FNIP2: variants seen among roughly 807,000 people sequenced by gnomAD.
FNIP2 encodes the protein folliculin-interacting protein 2.
Under a neutral mutation model 108.7 loss-of-function variants are expected in FNIP2, and 32 were observed. The observed-to-expected ratio is 0.29, with a 90% CI of 0.22 to 0.40. The LOEUF (loss-of-function observed/expected upper bound fraction) is 0.40. FNIP2 is among the 10% of genes least tolerant of loss of function. FNIP2 has a pLI of 1.00. For synonymous variants in FNIP2, 480 were observed against 496.7 expected (o/e 0.97, Z 0.45); for missense variants, 1,202 against 1,381.6 (o/e 0.87, Z 2.06).
chr4:158,814,724 T>C lies in FNIP2; in HGVS notation c.108-11192T>C, dbSNP rs547621224. Among the ~76,000 whole-genome samples, 4 of 152,224 alleles carry C rather than the reference T, an allele frequency of 2.6e-5. No individual in the cohort carries two copies. In the South Asian group the frequency reaches 8.3e-4, roughly 32 times the overall value. On this transcript the variant is annotated intron_variant, in intron 1 of 16. Coordinates refer to ENST00000264433, the MANE Select transcript of FNIP2 (RefSeq NM_020840.3). ...AGGGAGGGGATGAAGGACAGGAAAA[T>C]GTAGTGTACAAGTGTTGAGAAGAAA... is the stretch of plus-strand genomic sequence containing the variant.
At chr4:158,842,681 C>T (rs1202315020) in intron 7 of FNIP2, among the ~76,000 whole-genome samples, 2 of 151,916 alleles carry the variant, frequency 1.3e-5, no homozygotes, top group Non-Finnish European at 2.9e-5. Context: ...ACTTGTACCC[C>T]TTATAAATTT....
intron 7 of FNIP2, among the ~76,000 whole-genome samples, chr4:158,846,516 C>G (rs1553960599): frequency 3.9e-5 from 6 of 152,106 alleles, no homozygotes; most frequent in Non-Finnish European, 8.8e-5. Context: ...AGCCTGGACT[C>G]TTACTCAGTT....
chr4:158,774,389 A>C (rs1354669883), intron 1 of FNIP2, among the ~76,000 whole-genome samples: 1 of 152,104 alleles, frequency 6.6e-6, no homozygotes, highest in Non-Finnish European at 1.5e-5. Context: ...AGATTATTTA[A>C]CTATTAGATT....
chr4:158,870,479 C>T lies in FNIP2; in HGVS notation c.2949+10C>T. On this transcript the variant is annotated intron_variant, in intron 14 of 16. Coordinates refer to ENST00000264433, the MANE Select transcript of FNIP2 (RefSeq NM_020840.3). Reference sequence around the variant, plus strand: ...TGTCCACACAGTCCATGTAAGTGATCCCAGTGTGGAGCCTCTGGCTGCTGA... The same window carrying T: ...TGTCCACACAGTCCATGTAAGTGATTCCAGTGTGGAGCCTCTGGCTGCTGA... 1 of 1,600,342 alleles carries T rather than the reference C, an allele frequency of 6.2e-7. No individual in the cohort carries two copies.
intron 1 of FNIP2, 62 bp downstream of exon 1, chr4:158,769,381 G>A: frequency 1.7e-6 from 2 of 1,173,966 alleles, no homozygotes; most frequent in Admixed American, 2.9e-5. Flanking sequence ...TGCTCGCCGG[G>A]GAGGGGACGG....
chr4:158,809,020 T>G (rs1777125411), intron 1 of FNIP2, among the ~76,000 whole-genome samples: 1 of 152,210 alleles, frequency 6.6e-6, no homozygotes, highest in South Asian at 2.1e-4. Context: ...TCCATTTCCA[T>G]TCCCCCTAAC....
intron 14 of FNIP2, among the ~76,000 whole-genome samples, chr4:158,888,875 CAAAAAAAAAA>C: frequency 9.9e-6 from 1 of 100,742 alleles, no homozygotes; most frequent in South Asian, 3.0e-4. Flanking sequence ...AAGACTGTCT[CAAAAAAAAAA>C]AAAAAAAGTA....
chr4:158,859,368 C>T, intron 9 of FNIP2, 110 bp downstream of exon 9: 1 of 1,237,228 alleles, frequency 8.1e-7, no homozygotes, highest in Non-Finnish European at 1.1e-6. Flanking sequence ...AGTTAAATCA[C>T]CTGTAGCAGT....
At chr4:158,837,922 G>A (rs554536296) in intron 7 of FNIP2, among the ~76,000 whole-genome samples, 14 of 152,332 alleles carry the variant, frequency 9.2e-5, no homozygotes, top group African/African-American at 3.4e-4. Context: ...TGCTATCCTG[G>A]TAGATGTGTT....
intron 7 of FNIP2, among the ~76,000 whole-genome samples, chr4:158,850,620 A>C (rs781056590): frequency 1.4e-4 from 21 of 149,284 alleles, no homozygotes; most frequent in Non-Finnish European, 3.0e-4. Context: ...CAGACAACAG[A>C]GTAGCAGTGG....
At position 158,905,928 on chromosome 4, in the gene FNIP2, C is replaced by A. The variant is rs1485233146; in HGVS notation, c.*1384C>A. On this transcript the variant is annotated 3_prime_UTR_variant, in exon 17 of 17. Transcript: ENST00000264433. Reference sequence around the variant, plus strand: ...ACTGTTTTATGAATTAATTCCAGTTCTTTTCATGTATCTTTGAACCTAAGA... The same window carrying A: ...ACTGTTTTATGAATTAATTCCAGTTATTTTCATGTATCTTTGAACCTAAGA... The A allele has an allele frequency of 1.3e-5, 2 of 152,154 alleles. No homozygotes were observed. The highest frequency in any genetic ancestry group is 4.8e-5 in the African/African-American group (2 of 41,426). 9.4% of individuals were successfully genotyped at this position (152,154 alleles called of 1,614,324 possible).
intron 1 of FNIP2, among the ~76,000 whole-genome samples, chr4:158,783,640 C>T (rs950538122): frequency 1.3e-5 from 2 of 152,044 alleles, no homozygotes; most frequent in Admixed American, 1.3e-4. Flanking sequence ...CTCAGGAGTC[C>T]GTTCACCATC....
At chr4:158,851,499 T>G in intron 8 of FNIP2, 49 bp downstream of exon 8, 1 of 1,600,178 alleles carries the variant, frequency 6.2e-7, no homozygotes, top group South Asian at 1.1e-5. Context: ...TGTAGGCAGC[T>G]TGATGAAACT....
At chr4:158,898,746 G>C (rs1782922560) in intron 16 of FNIP2, among the ~76,000 whole-genome samples, 1 of 150,978 alleles carries the variant, frequency 6.6e-6, no homozygotes, top group Non-Finnish European at 1.5e-5. Flanking sequence ...TGAAATGTTG[G>C]GGTTTTCCAA....
Position 158,869,175 on chromosome 4 carries a change from G to A in FNIP2, c.2539G>A (p.Gly847Arg), listed in dbSNP as rs1317810544. The A allele has an allele frequency of 2.5e-6, 4 of 1,613,936 alleles. No individual in the cohort carries two copies. The African/African-American group carries it at 5.3e-5, about 22-fold the overall frequency. The change falls in exon 13 of 17, where the codon GGA becomes AGA. Residue 847 changes from glycine (G) to arginine (R), a missense_variant. Gly to Arg is a moderately radical substitution (Grantham distance 125). Around this residue, in one of 5 missense-constraint regions of FNIP2, gnomAD observed 878 missense variants for 990.3 expected, o/e 0.89. Transcript: ENST00000264433. ...AGGTTTGTATGTGAAGGCTGCGGAAGGACCTGTGCTGGAGCCTGTTGCCCC... is the reference window on the plus strand; with the variant it reads ...AGGTTTGTATGTGAAGGCTGCGGAAAGACCTGTGCTGGAGCCTGTTGCCCC... ...TRGLYVKAAEGPVLEPVAPRC... is the reference protein window; with the variant it reads ...TRGLYVKAAERPVLEPVAPRC...
At chr4:158,783,175 A>C (rs76423421) in intron 1 of FNIP2, among the ~76,000 whole-genome samples, 9,156 of 152,292 alleles carry the variant, frequency 0.06, 397 homozygotes, top group Middle Eastern at 0.11. Flanking sequence ...AGCATGCTTA[A>C]TGCTATTTAA....
At position 158,790,215 on chromosome 4, in the gene FNIP2, G is replaced by A. The variant is rs555606103; in HGVS notation, c.107+20896G>A. Among the ~76,000 whole-genome samples the A allele has an allele frequency of 6.0e-5, 9 of 150,830 alleles. No homozygotes were observed. In the South Asian group the frequency reaches 1.9e-3, roughly 32 times the overall value. On this transcript the variant is annotated intron_variant, in intron 1 of 16. Transcript: ENST00000264433. The stretch of plus-strand genomic sequence containing the variant: ...CAAATATTCCAAAATCTGAAAAAAC[G>A]CCAAATCCGAAACACTTCTGATCCC...
chr4:158,835,911 C>T (rs1468697263), intron 7 of FNIP2: 2 of 153,000 alleles, frequency 1.3e-5, no homozygotes, highest in South Asian at 4.1e-4. Flanking sequence ...TTATCAGGTA[C>T]CCTTCTCTCC....
intron 1 of FNIP2, among the ~76,000 whole-genome samples, chr4:158,775,901 A>G (rs1227531855): frequency 6.6e-6 from 1 of 152,138 alleles, no homozygotes; most frequent in African/African-American, 2.4e-5. Flanking sequence ...CTTCATTTCT[A>G]GGAATTATTT....
Sources: gnomAD v4.1 joint callset for allele counts (sites outside exome capture counted in the v4.1 genomes callset) on GRCh38, gnomAD v4.1.1 for gene constraint, gnomAD v4.1.1 regional missense constraint, MANE v1.5 for transcripts, NCBI Gene and HGNC (gene_info 2026-07-23, HGNC 2026-07-21) for gene names.